KCNU1: variants seen among roughly 807,000 people sequenced by gnomAD.
KCNU1 encodes the protein potassium calcium-activated channel subfamily U member 1.
KCNU1 carries 93 observed loss-of-function variants against 126.8 expected under a neutral mutation model. The ratio of observed to expected loss-of-function variants is 0.73; its 90% CI spans 0.62 to 0.87. KCNU1 has a LOEUF of 0.87. Among genes scored for constraint, KCNU1 ranks in the 40% least tolerant of loss-of-function variants. The pLI is 0.00. For synonymous variants in KCNU1, 523 were observed against 494.2 expected (o/e 1.06, Z -0.77); for missense variants, 1,330 against 1,367.1 (o/e 0.97, Z 0.43).
At chr8:36,934,171 C>A (rs1194014431) in intron 26 of KCNU1, among the ~76,000 whole-genome samples, 3 of 152,064 alleles carry the variant, frequency 2.0e-5, no homozygotes, top group Non-Finnish European at 2.9e-5. Flanking sequence ...ATTAAAACAG[C>A]TAGGACACGG....
chr8:36,850,082 A>T (rs1805288000), intron 18 of KCNU1, among the ~76,000 whole-genome samples: 1 of 152,104 alleles, frequency 6.6e-6, no homozygotes, highest in South Asian at 2.1e-4. Context: ...GCATTTTTTC[A>T]TGAGGAGCTC....
chr8:36,806,154 G>A, intron 4 of KCNU1, 115 bp from the exon 5 acceptor site: 5 of 618,632 alleles, frequency 8.1e-6, no homozygotes, highest in Non-Finnish European at 1.4e-5. Flanking sequence ...ATGTAAAATA[G>A]AAGGAGATCA....
At chr8:36,889,115 G>A in intron 19 of KCNU1, 1 of 532,306 alleles carries the variant, frequency 1.9e-6, no homozygotes. Context: ...CTGACCTCAA[G>A]TGATCCACCT....
intron 18 of KCNU1, among the ~76,000 whole-genome samples, chr8:36,857,477 C>G (rs1455104644): frequency 6.6e-6 from 1 of 152,156 alleles, no homozygotes; most frequent in Non-Finnish European, 1.5e-5. Flanking sequence ...CAGAATGAAG[C>G]TTTTATCACA....
intron 19 of KCNU1, among the ~76,000 whole-genome samples, chr8:36,895,932 T>G (rs949641256): frequency 1.3e-5 from 2 of 152,024 alleles, no homozygotes; most frequent in Non-Finnish European, 2.9e-5. Flanking sequence ...TTATAGAATC[T>G]TATGCTCTTG....
rs571058990 is a variant in KCNU1 at position 36,844,470 on chromosome 8, C to T, written c.1704-1110C>T. On this transcript the variant is annotated intron_variant, in intron 16 of 26. Transcript: ENST00000399881. The stretch of plus-strand genomic sequence containing the variant: ...CATCAGCCAATAATATTTAAGGGGC[C>T]GCAGTTGTATTTTCCTTCCAAAGTT... Among the ~76,000 whole-genome samples the T allele has an allele frequency of 5.5e-4, 84 of 152,242 alleles. 1 individual carries two copies. Among genetic ancestry groups the T allele is most frequent in the Admixed American group, 1.6e-3 (24 of 15,284 alleles).
chr8:36,929,387 C>CAA (rs35835813), intron 24 of KCNU1, among the ~76,000 whole-genome samples: 22 of 99,258 alleles, frequency 2.2e-4, no homozygotes, highest in African/African-American at 4.7e-4. Context: ...GACCCTGTCT[C>CAA]AAAAAAAAAA....
chr8:36,861,418 A>C (rs191668219), intron 18 of KCNU1, among the ~76,000 whole-genome samples: 2 of 152,128 alleles, frequency 1.3e-5, no homozygotes, highest in Non-Finnish European at 2.9e-5. Flanking sequence ...GTCTCCTTTC[A>C]TGCCAATCCA....
At chr8:36,802,237 G>A (rs1162848662) in intron 2 of KCNU1, among the ~76,000 whole-genome samples, 1 of 152,040 alleles carries the variant, frequency 6.6e-6, no homozygotes, top group Non-Finnish European at 1.5e-5. Context: ...TGTAAACTAG[G>A]GTCAATTTGA....
chr8:36,912,798 T>A (rs1807934370), intron 22 of KCNU1, among the ~76,000 whole-genome samples: 1 of 151,684 alleles, frequency 6.6e-6, no homozygotes, highest in Admixed American at 6.6e-5. Context: ...GGTGAAACCA[T>A]CTCTACTGAA....
intron 2 of KCNU1, among the ~76,000 whole-genome samples, chr8:36,803,648 T>C (rs1447875437): frequency 6.6e-6 from 1 of 152,160 alleles, no homozygotes; most frequent in Non-Finnish European, 1.5e-5. Context: ...TGTGATAAAT[T>C]GCATAAAGCC....
intron 9 of KCNU1, among the ~76,000 whole-genome samples, chr8:36,816,732 G>A (rs563964487): frequency 1.3e-5 from 2 of 152,138 alleles, no homozygotes; most frequent in African/African-American, 4.8e-5. Context: ...TGCGTTAAAC[G>A]TAAGAAAATT....
chr8:36,828,724 GT>G (rs1253600615), intron 10 of KCNU1, among the ~76,000 whole-genome samples: 1 of 151,970 alleles, frequency 6.6e-6, no homozygotes, highest in Admixed American at 6.6e-5. Flanking sequence ...ATGGCTCCTG[GT>G]GGACACATGA....
At chr8:36,904,672 A>C (rs1395382022) in intron 19 of KCNU1, among the ~76,000 whole-genome samples, 2 of 152,108 alleles carry the variant, frequency 1.3e-5, no homozygotes, top group African/African-American at 4.8e-5. Flanking sequence ...AAATGAAGTG[A>C]GTCACCCTGA....
chr8:36,824,867 C>T (rs1178196410), intron 10 of KCNU1, among the ~76,000 whole-genome samples: 1 of 152,108 alleles, frequency 6.6e-6, no homozygotes, highest in Non-Finnish European at 1.5e-5. Flanking sequence ...GAATACACCA[C>T]AATTTGTCTT....
intron 9 of KCNU1, 68 bp from the exon 10 acceptor site, chr8:36,817,582 C>A: frequency 5.9e-6 from 4 of 677,096 alleles, no homozygotes; most frequent in Admixed American, 2.0e-5. Flanking sequence ...AATTATTTAT[C>A]TCTAAATGCT....
chr8:36,893,432 A>G (rs1807055913), intron 19 of KCNU1, among the ~76,000 whole-genome samples: 1 of 152,042 alleles, frequency 6.6e-6, no homozygotes, highest in Admixed American at 6.6e-5. Context: ...TTCCACTGAG[A>G]AAACTCCCAG....
intron 19 of KCNU1, among the ~76,000 whole-genome samples, chr8:36,885,221 C>T (rs774611350): frequency 1.3e-5 from 2 of 152,134 alleles, no homozygotes; most frequent in Admixed American, 6.6e-5. Flanking sequence ...AAAAGTCCCT[C>T]AGAGACTGGC....
At position 36,912,129 on chromosome 8, in the gene KCNU1, C is replaced by T. The variant is rs563321063; in HGVS notation, c.2521+1010C>T. ...GTACTCAATCCTTGGGCCATGCAGCCTCTGACCACAGCTGTCCCACTTTGC... is the reference window on the plus strand; with the variant it reads ...GTACTCAATCCTTGGGCCATGCAGCTTCTGACCACAGCTGTCCCACTTTGC... On this transcript the variant is annotated intron_variant, in intron 22 of 26. Transcript: ENST00000399881. Among the ~76,000 whole-genome samples the T allele has an allele frequency of 4.6e-5, 7 of 152,310 alleles. No homozygotes were observed. The East Asian group carries it at 1.4e-3, about 29-fold the overall frequency.
Sources: allele counts gnomAD v4.1 joint callset (sites outside exome capture counted in the v4.1 genomes callset), GRCh38; gene constraint gnomAD v4.1.1; transcripts MANE v1.5; gene names NCBI Gene and HGNC (gene_info 2026-07-23, HGNC 2026-07-21).